Variants in RNF169 observed in about 807,000 individuals in gnomAD.
The protein encoded by RNF169 is E3 ubiquitin-protein ligase RNF169.
A neutral mutation model predicts 53.9 loss-of-function variants in RNF169; 24 were observed. The ratio of observed to expected loss-of-function variants is 0.45; its 90% CI spans 0.32 to 0.63. The LOEUF (loss-of-function observed/expected upper bound fraction) is 0.63, where lower values mean the gene tolerates loss of function less well. Among genes scored for constraint, RNF169 ranks in the 20% least tolerant of loss-of-function variants. RNF169 has a pLI of 0.04. For synonymous variants in RNF169, 396 were observed against 363.5 expected (o/e 1.09, Z -1.02); for missense variants, 883 against 906.2 (o/e 0.97, Z 0.33).
intron 2 of RNF169, chr11:74,808,208 A>AT: frequency 6.6e-6 from 1 of 152,288 alleles, no homozygotes; most frequent in East Asian, 1.9e-4. Context: ...TAAAATTAAG[A>AT]AAAAAATAAA....
intron 4 of RNF169, chr11:74,831,677 A>G (rs1181445256): frequency 6.6e-6 from 1 of 151,758 alleles, no homozygotes; most frequent in Non-Finnish European, 1.5e-5. Context: ...AGGATCCCAA[A>G]TAGTTAAAAC....
rs574702643 is a variant in RNF169 at position 74,796,873 on chromosome 11, T to C, written c.576+7174T>C. On this transcript the variant is annotated intron_variant, in intron 2 of 5. Coordinates refer to ENST00000299563, the MANE Select transcript of RNF169 (RefSeq NM_001098638.2). ...CTGGTTCTCTTTTTAAAAAAGTAAA[T>C]GAGGTCTTGCTATGTTGTCCAGGCT... 1.5e-4 allele frequency among the ~76,000 whole-genome samples: 23 copies of C among 152,340 alleles called. No homozygotes were observed. In the East Asian group the frequency reaches 4.2e-3, roughly 28 times the overall value.
intron 1 of RNF169, among the ~76,000 whole-genome samples, chr11:74,779,181 A>T (rs1188586794): frequency 6.6e-6 from 1 of 152,172 alleles, no homozygotes; most frequent in Non-Finnish European, 1.5e-5. Context: ...ACTGTCTTAG[A>T]TAGATTCCTA....
intron 1 of RNF169, among the ~76,000 whole-genome samples, chr11:74,756,287 T>C (rs542998002): frequency 3.3e-5 from 5 of 152,308 alleles, no homozygotes; most frequent in Admixed American, 2.6e-4. Context: ...ATGCAAGATA[T>C]AATTGTAGAA....
At chr11:74,768,009 A>C (rs941557768) in intron 1 of RNF169, among the ~76,000 whole-genome samples, 2 of 152,174 alleles carry the variant, frequency 1.3e-5, no homozygotes, top group Non-Finnish European at 2.9e-5. Flanking sequence ...GGAATTTATC[A>C]ATAAGGATGA....
At chr11:74,760,378 T>C (rs1446548605) in intron 1 of RNF169, among the ~76,000 whole-genome samples, 6 of 151,122 alleles carry the variant, frequency 4.0e-5, no homozygotes, top group Admixed American at 3.9e-4. Context: ...GCTCTTGCTT[T>C]TCTAGTTCTT....
rs529957383 is a variant in RNF169 at position 74,841,132 on chromosome 11, A to G, written c.*4402A>G. ...TAATTAAATTTAATGATTTTAATTA[A>G]GAATTAAAAGCCAGCTAGCCAAATT... On this transcript the variant is annotated 3_prime_UTR_variant, in exon 6 of 6. Coordinates refer to ENST00000299563, the MANE Select transcript of RNF169 (RefSeq NM_001098638.2). 1 of 152,210 alleles carries G rather than the reference A, an allele frequency of 6.6e-6. No individual in the cohort carries two copies. The highest frequency in any genetic ancestry group is 1.5e-5 in the Non-Finnish European group (1 of 68,040). The allele number at this position is 152,210 out of a possible 1,614,324, so 9.4% of individuals were successfully genotyped here.
At chr11:74,778,022 G>A (rs1049986209) in intron 1 of RNF169, among the ~76,000 whole-genome samples, 1 of 152,110 alleles carries the variant, frequency 6.6e-6, no homozygotes, top group African/African-American at 2.4e-5. Context: ...TGAAAGCATT[G>A]CCTCTCCTTC....
At chr11:74,768,476 G>A (rs1244476721) in intron 1 of RNF169, among the ~76,000 whole-genome samples, 2 of 152,160 alleles carry the variant, frequency 1.3e-5, no homozygotes, top group Middle Eastern at 3.4e-3. Flanking sequence ...GCGTGATGGC[G>A]CATGCCTGTA....
rs192616002 is a variant in RNF169 at position 74,778,391 on chromosome 11, C to T, written c.503-11235C>T. Among the ~76,000 whole-genome samples the T allele has an allele frequency of 5.9e-5, 9 of 152,096 alleles. No homozygotes were observed. The East Asian group carries it at 7.7e-4, about 13-fold the overall frequency. ...ATTTTTTTTCCATTTGTGAGTTCTA[C>T]GATTATGTCACTGTTTCTTTTTCCA... is the stretch of plus-strand genomic sequence containing the variant. On this transcript the variant is annotated intron_variant, in intron 1 of 5. Coordinates refer to ENST00000299563, the MANE Select transcript of RNF169 (RefSeq NM_001098638.2).
intron 1 of RNF169, among the ~76,000 whole-genome samples, chr11:74,760,757 T>G (rs1198296865): frequency 7.0e-6 from 1 of 143,002 alleles, no homozygotes; most frequent in Non-Finnish European, 1.5e-5. Flanking sequence ...GGAATAGGTG[T>G]GGTGTGGTGC....
intron 4 of RNF169, among the ~76,000 whole-genome samples, chr11:74,819,991 T>G (rs548750077): frequency 6.6e-6 from 1 of 152,240 alleles, no homozygotes; most frequent in South Asian, 2.1e-4. Context: ...ACAGTGTATG[T>G]ATAAGGACAG....
chr11:74,799,942 C>A (rs1340954718), intron 2 of RNF169, among the ~76,000 whole-genome samples: 2 of 149,858 alleles, frequency 1.3e-5, no homozygotes, highest in Non-Finnish European at 3.0e-5. Context: ...ATTATGCATG[C>A]CACTTTTACT....
At chr11:74,812,292 TTTTG>T (rs1055462705) in intron 3 of RNF169, among the ~76,000 whole-genome samples, 19 of 152,200 alleles carry the variant, frequency 1.2e-4, no homozygotes, top group South Asian at 6.2e-4. Context: ...TATAGTTTTT[TTTTG>T]TTTGTTTATT....
At position 74,773,778 on chromosome 11, in the gene RNF169, G is replaced by A. The variant is rs568594094; in HGVS notation, c.503-15848G>A. ...ACTACTTAGTAGCTGTGTGGCTTTG[G>A]GCAAGCATCTTAAACTCTGTGCCTA... On this transcript the variant is annotated intron_variant, in intron 1 of 5. Transcript: ENST00000299563. 4.6e-5 allele frequency among the ~76,000 whole-genome samples: 7 copies of A among 152,230 alleles called. No homozygotes were observed. The South Asian group carries it at 1.5e-3, about 32-fold the overall frequency.
At chr11:74,784,795 G>A (rs2035464511) in intron 1 of RNF169, among the ~76,000 whole-genome samples, 2 of 152,120 alleles carry the variant, frequency 1.3e-5, no homozygotes, top group African/African-American at 4.8e-5. Context: ...CAAGTTTCTA[G>A]GCACCAGCCA....
intron 3 of RNF169, among the ~76,000 whole-genome samples, chr11:74,811,716 A>G (rs1196517450): frequency 6.6e-6 from 1 of 152,182 alleles, no homozygotes; most frequent in African/African-American, 2.4e-5. Context: ...CAACCTTCCA[A>G]AAGATTCAGT....
intron 4 of RNF169, chr11:74,832,021 G>C (rs1565188551): frequency 6.6e-6 from 1 of 152,204 alleles, no homozygotes; most frequent in East Asian, 1.9e-4. Context: ...AGACCTAAAT[G>C]TAAGTGCTTA....
At chr11:74,824,964 G>C (rs929231056) in intron 4 of RNF169, among the ~76,000 whole-genome samples, 1 of 152,188 alleles carries the variant, frequency 6.6e-6, no homozygotes, top group African/African-American at 2.4e-5. Context: ...TATATGCTGA[G>C]ACACACCTTA....
Sources: gnomAD v4.1 joint callset for allele counts (sites outside exome capture counted in the v4.1 genomes callset) on GRCh38, gnomAD v4.1.1 for gene constraint, MANE v1.5 for transcripts, NCBI Gene and HGNC (gene_info 2026-07-23, HGNC 2026-07-21) for gene names.